SLC4A10: variants seen among roughly 807,000 people sequenced by gnomAD.
SLC4A10 encodes solute carrier family 4 member 10.
SLC4A10 carries 42 observed loss-of-function variants against 137.7 expected under a neutral mutation model. That is an observed-to-expected ratio of 0.30 (90% CI 0.24 to 0.39). The LOEUF is 0.39. Among genes scored for constraint, SLC4A10 ranks in the 10% least tolerant of loss-of-function variants. The probability of loss-of-function intolerance (pLI) is 1.00; values close to 1 mark genes in which losing one functional copy is unlikely to be tolerated. For synonymous variants in SLC4A10, 474 were observed against 464.1 expected (o/e 1.02, Z -0.27); for missense variants, 925 against 1,355.0 (o/e 0.68, Z 4.98).
At chr2:161,695,240 A>G (rs1436441935) in intron 1 of SLC4A10, among the ~76,000 whole-genome samples, 1 of 152,050 alleles carries the variant, frequency 6.6e-6, no homozygotes, top group Non-Finnish European at 1.5e-5. Flanking sequence ...TGTGCCATGG[A>G]CTGAAACTGA....
At chr2:161,819,338 A>C (rs2057410557) in intron 3 of SLC4A10, among the ~76,000 whole-genome samples, 1 of 152,156 alleles carries the variant, frequency 6.6e-6, no homozygotes, top group Admixed American at 6.5e-5. Context: ...TTTTGCTCAT[A>C]CAAAAAACTT....
chr2:161,845,563 C>A (rs1297217230), intron 4 of SLC4A10, among the ~76,000 whole-genome samples: 1 of 151,872 alleles, frequency 6.6e-6, no homozygotes, highest in Non-Finnish European at 1.5e-5. Context: ...GAGAATTAAG[C>A]CCTCAACTTG....
chr2:161,794,925 G>T lies in SLC4A10; in HGVS notation c.131-9524G>T, dbSNP rs35638587. Among the ~76,000 whole-genome samples, 303 of 151,884 alleles carry T rather than the reference G, an allele frequency of 2.0e-3. 1 individual carries two copies. Among genetic ancestry groups the T allele is most frequent in the African/African-American group, 6.9e-3 (286 of 41,408 alleles). ...TACCACTGCTGCCAGGTTATCTACC[G>T]TAGAGTGTAAGCCATAGTTTTCATC... On this transcript the variant is annotated intron_variant, in intron 2 of 26. Transcript: ENST00000446997.
intron 3 of SLC4A10, among the ~76,000 whole-genome samples, chr2:161,835,785 A>C (rs1364231943): frequency 6.6e-6 from 1 of 152,232 alleles, no homozygotes; most frequent in East Asian, 1.9e-4. Context: ...ACCTGATCTA[A>C]TGCCTCCGGC....
intron 4 of SLC4A10, among the ~76,000 whole-genome samples, chr2:161,848,833 C>CT: frequency 6.6e-6 from 1 of 152,202 alleles, no homozygotes; most frequent in East Asian, 1.9e-4. Flanking sequence ...CAGCTTCATT[C>CT]TTTTTGTTCA....
chr2:161,927,835 C>G (rs1463305523), intron 15 of SLC4A10, among the ~76,000 whole-genome samples: 1 of 152,168 alleles, frequency 6.6e-6, no homozygotes, highest in Non-Finnish European at 1.5e-5. Flanking sequence ...CCATCTCACA[C>G]CACTTAGAAT....
At chr2:161,861,998 C>G (rs1335557776) in intron 5 of SLC4A10, among the ~76,000 whole-genome samples, 1 of 152,006 alleles carries the variant, frequency 6.6e-6, no homozygotes, top group Non-Finnish European at 1.5e-5. Context: ...ATGTTAATGC[C>G]TAAAAAACAA....
At chr2:161,705,256 G>A (rs1017860974) in intron 1 of SLC4A10, among the ~76,000 whole-genome samples, 4 of 151,380 alleles carry the variant, frequency 2.6e-5, no homozygotes, top group African/African-American at 9.7e-5. Context: ...ACAGGAATTA[G>A]TAGGGCCAAG....
At chr2:161,779,723 A>G (rs1241928537) in intron 2 of SLC4A10, among the ~76,000 whole-genome samples, 3 of 152,046 alleles carry the variant, frequency 2.0e-5, no homozygotes, top group Non-Finnish European at 4.4e-5. Context: ...CAAGGATATT[A>G]GCAAACAATA....
At chr2:161,881,373 C>A (rs568445432) in intron 9 of SLC4A10, among the ~76,000 whole-genome samples, 1 of 152,088 alleles carries the variant, frequency 6.6e-6, no homozygotes, top group South Asian at 2.1e-4. Context: ...GACATTTCTA[C>A]ATAGTAGAAA....
chr2:161,658,596 CTTTT>C (rs35686377), intron 1 of SLC4A10, among the ~76,000 whole-genome samples: 2 of 128,400 alleles, frequency 1.6e-5, no homozygotes, highest in Non-Finnish European at 1.6e-5. Flanking sequence ...AAATAGTTTC[CTTTT>C]TTTTTTTTTT....
At chr2:161,673,974 A>G (rs886810440) in intron 1 of SLC4A10, among the ~76,000 whole-genome samples, 9 of 151,940 alleles carry the variant, frequency 5.9e-5, no homozygotes, top group African/African-American at 1.9e-4. Flanking sequence ...TGGGTGACAC[A>G]GCAAGACTCC....
chr2:161,856,007 A>G (rs2060078757), intron 5 of SLC4A10, among the ~76,000 whole-genome samples: 1 of 152,104 alleles, frequency 6.6e-6, no homozygotes, highest in Non-Finnish European at 1.5e-5. Context: ...AAAATAATAT[A>G]TTAGAAAAAT....
intron 16 of SLC4A10, among the ~76,000 whole-genome samples, chr2:161,943,249 C>T (rs1693073042): frequency 6.6e-6 from 1 of 152,088 alleles, no homozygotes; most frequent in African/African-American, 2.4e-5. Flanking sequence ...TTACTTTACT[C>T]TGTAATGCTG....
intron 1 of SLC4A10, among the ~76,000 whole-genome samples, chr2:161,761,604 G>C (rs75641726): frequency 2.0e-5 from 3 of 151,998 alleles, no homozygotes; most frequent in African/African-American, 7.2e-5. Flanking sequence ...TGCAGGTTTC[G>C]CTACCCTTTA....
intron 1 of SLC4A10, among the ~76,000 whole-genome samples, chr2:161,638,794 C>G (rs1365507770): frequency 1.3e-5 from 2 of 151,630 alleles, no homozygotes; most frequent in East Asian, 3.9e-4. Flanking sequence ...CAATTTCTTT[C>G]CTAAATGTTT....
chr2:161,636,133 A>G (rs1358940023), intron 1 of SLC4A10, among the ~76,000 whole-genome samples: 1 of 152,146 alleles, frequency 6.6e-6, no homozygotes, highest in East Asian at 1.9e-4. Flanking sequence ...ACAAGTTAGT[A>G]TGAGTTTATT....
At chr2:161,843,271 G>A (rs1412011406) in intron 4 of SLC4A10, among the ~76,000 whole-genome samples, 1 of 152,106 alleles carries the variant, frequency 6.6e-6, no homozygotes, top group African/African-American at 2.4e-5. Flanking sequence ...CTCTCACTTT[G>A]TTACAGTTGA....
chr2:161,808,957 A>T (rs2056286033), intron 3 of SLC4A10, among the ~76,000 whole-genome samples: 1 of 152,150 alleles, frequency 6.6e-6, no homozygotes, highest in Non-Finnish European at 1.5e-5. Context: ...GTTGAATGGT[A>T]GTTCTGTTTT....
Sources: allele counts gnomAD v4.1 joint callset (sites outside exome capture counted in the v4.1 genomes callset), GRCh38; gene constraint gnomAD v4.1.1; transcripts MANE v1.5; gene names NCBI Gene and HGNC (gene_info 2026-07-23, HGNC 2026-07-21).